PACSIN2: variants seen among roughly 807,000 people sequenced by gnomAD.
PACSIN2 encodes protein kinase C and casein kinase substrate in neurons protein 2.
A neutral mutation model predicts 63.8 loss-of-function variants in PACSIN2; 25 were observed. The observed-to-expected ratio is 0.39, with a 90% confidence interval of 0.29 to 0.55. PACSIN2 has a LOEUF of 0.55. Ranked by LOEUF, PACSIN2 falls within the 20% of genes least tolerant of loss-of-function variation. PACSIN2 has a pLI of 0.62. For missense variants in PACSIN2, 518 were observed against 646.9 expected (o/e 0.80, Z 2.16); for synonymous variants, 255 against 256.2 (o/e 1.00, Z 0.05).
intron 1 of PACSIN2, among the ~76,000 whole-genome samples, chr22:43,010,359 C>T (rs1198744238): frequency 1.5e-5 from 2 of 134,832 alleles, no homozygotes; most frequent in Admixed American, 7.9e-5. Context: ...GCAAACATGG[C>T]GGAATCCCAT....
intron 7 of PACSIN2, among the ~76,000 whole-genome samples, chr22:42,880,417 T>A (rs770283417): frequency 2.0e-5 from 3 of 152,168 alleles, no homozygotes. Flanking sequence ...TTCATCCTGA[T>A]TGGGTGGCTT....
intron 1 of PACSIN2, among the ~76,000 whole-genome samples, chr22:42,921,252 G>A (rs539182302): frequency 6.6e-6 from 1 of 151,892 alleles, no homozygotes. Context: ...CTAGCTGCTC[G>A]GGAGGCTGAG....
rs571506028 is a variant in PACSIN2, at chr22:42,976,413, C to T, written c.-78+38608G>A. Among the ~76,000 whole-genome samples the T allele has an allele frequency of 4.6e-5, 7 of 152,282 alleles. No individual in the cohort carries two copies. In the East Asian group the frequency reaches 5.8e-4, roughly 13 times the overall value. On this transcript the variant is annotated intron_variant, in intron 1 of 10. Coordinates refer to ENST00000263246, the MANE Select transcript of PACSIN2 (RefSeq NM_001184970.3). ...CAGAGGCAACACTGGCCAGCCCAGG[C>T]GACAGACTGGCTCCTCTCCCCAAAA...
chr22:42,916,203 TGGGA>T (rs1931794651), intron 1 of PACSIN2, among the ~76,000 whole-genome samples: 1 of 152,186 alleles, frequency 6.6e-6, no homozygotes, highest in Non-Finnish European at 1.5e-5. Flanking sequence ...CCTACCTCAA[TGGGA>T]GCATTGTTCT....
intron 1 of PACSIN2, among the ~76,000 whole-genome samples, chr22:42,981,459 C>T (rs1479381802): frequency 4.2e-4 from 33 of 79,152 alleles, no homozygotes; most frequent in East Asian, 7.2e-4. Flanking sequence ...GCCCGGCCAG[C>T]CGCCCCGTCC....
chr22:42,915,898 T>C (rs1166661318), intron 1 of PACSIN2, among the ~76,000 whole-genome samples: 1 of 152,156 alleles, frequency 6.6e-6, no homozygotes, highest in African/African-American at 2.4e-5. Flanking sequence ...TCCGAAGCCC[T>C]AAGGCGACAC....
intron 1 of PACSIN2, among the ~76,000 whole-genome samples, chr22:42,972,008 G>A (rs552596133): frequency 1.3e-5 from 2 of 152,338 alleles, no homozygotes; most frequent in African/African-American, 4.8e-5. Flanking sequence ...TCTGGGAGGT[G>A]TACCCAGCAG....
intron 5 of PACSIN2, among the ~76,000 whole-genome samples, chr22:42,887,355 T>C (rs1157868466): frequency 6.6e-6 from 1 of 152,218 alleles, no homozygotes; most frequent in Non-Finnish European, 1.5e-5. Context: ...GTTCCTGCTC[T>C]CACCTGCTGG....
intron 1 of PACSIN2, chr22:42,993,854 C>G (rs1288518254): frequency 1.3e-5 from 2 of 151,554 alleles, no homozygotes; most frequent in Non-Finnish European, 1.5e-5. Flanking sequence ...TCCCACAAGT[C>G]AAGAAATCAC....
intron 1 of PACSIN2, among the ~76,000 whole-genome samples, chr22:42,962,338 A>C (rs1934165022): frequency 6.6e-6 from 1 of 152,160 alleles, no homozygotes; most frequent in South Asian, 2.1e-4. Context: ...TAATCATGAA[A>C]ATAGCTCTTT....
intron 1 of PACSIN2, among the ~76,000 whole-genome samples, chr22:42,922,625 G>T (rs1394440624): frequency 6.6e-6 from 1 of 152,228 alleles, no homozygotes; most frequent in South Asian, 2.1e-4. Flanking sequence ...CACTATCTGG[G>T]GGGAGATTCT....
intron 1 of PACSIN2, among the ~76,000 whole-genome samples, chr22:42,957,848 C>T (rs1432866592): frequency 1.3e-5 from 2 of 152,126 alleles, no homozygotes; most frequent in African/African-American, 4.8e-5. Context: ...GCATTCTCAT[C>T]TGGCAAGCAA....
At chr22:42,964,418 G>GGAA (rs1920936385) in intron 1 of PACSIN2, among the ~76,000 whole-genome samples, 1 of 135,280 alleles carries the variant, frequency 7.4e-6, no homozygotes, top group Non-Finnish European at 1.6e-5. Context: ...ACTCCGTCTG[G>GGAA]AAAAAAAAAA....
intron 10 of PACSIN2, among the ~76,000 whole-genome samples, chr22:42,873,991 T>C (rs1928374784): frequency 6.6e-6 from 1 of 152,122 alleles, no homozygotes; most frequent in South Asian, 2.1e-4. Context: ...GGTTTCACCA[T>C]GTTGGCCAGG....
At chr22:42,987,527 A>ATTTTTTTTTTTTTTT (rs1922716379) in intron 1 of PACSIN2, among the ~76,000 whole-genome samples, 1 of 34,788 alleles carries the variant, frequency 2.9e-5, no homozygotes, top group East Asian at 1.5e-3. Context: ...GGGCACATTC[A>ATTTTTTTTTTTTTTT]TTCTTTTTTT....
chr22:42,876,984 G>A lies in PACSIN2; in HGVS notation c.1055C>T (p.Ala352Val). 1 of 1,614,202 alleles carries A rather than the reference G, an allele frequency of 6.2e-7. No homozygotes were observed. Among genetic ancestry groups the A allele is most frequent in the Non-Finnish European group, 8.5e-7 (1 of 1,180,028 alleles). ...GCTGGACTGTGACTGCGCAGACTGG[G>A]CGGGGTTGCTCGGGACATTAAGGGT... is the stretch of plus-strand genomic sequence containing the variant. The part of the protein sequence containing the change: ...SSTLNVPSNP[A>V]QSAQSQSSYN... Residue 352 changes from alanine (A) to valine (V), a missense_variant, in exon 9 of 11, where the codon GCC (alanine) becomes GTC (valine). Physicochemically the swap from Ala to Val is moderately conservative, Grantham distance 64. This residue lies in a region of PACSIN2 where 507 missense variants were observed against 612.3 expected (regional missense o/e 0.83). Coordinates refer to ENST00000263246, the MANE Select transcript of PACSIN2 (RefSeq NM_001184970.3).
chr22:42,960,701 G>A (rs1160773428), intron 1 of PACSIN2, among the ~76,000 whole-genome samples: 1 of 152,204 alleles, frequency 6.6e-6, no homozygotes, highest in Non-Finnish European at 1.5e-5. Context: ...CCGGGACAGG[G>A]AAGAGAAAGA....
chr22:42,986,761 G>C (rs933658069), intron 1 of PACSIN2, among the ~76,000 whole-genome samples: 7 of 151,976 alleles, frequency 4.6e-5, no homozygotes, highest in African/African-American at 1.7e-4. Context: ...CACGTGCAAA[G>C]ACCCTAAGAA....
Position 42,904,653 on chromosome 22 carries a change from A to G in PACSIN2, c.60+7368T>C, listed in dbSNP as rs1392455547. Among the ~76,000 whole-genome samples the G allele has an allele frequency of 3.3e-5, 5 of 152,156 alleles. No individual in the cohort carries two copies. In the East Asian group the frequency reaches 9.6e-4, roughly 29 times the overall value. ...CCAGCTGGGAAAAGCTGGAGGATCA[A>G]TTCTTCCAGGAAGCCTCCCCACCTC... is the stretch of plus-strand genomic sequence containing the variant. On this transcript the variant is annotated intron_variant, in intron 2 of 10. Transcript: ENST00000263246.
Sources: gnomAD v4.1 joint callset for allele counts (sites outside exome capture counted in the v4.1 genomes callset) on GRCh38, gnomAD v4.1.1 for gene constraint, gnomAD v4.1.1 regional missense constraint, MANE v1.5 for transcripts, NCBI Gene and HGNC (gene_info 2026-07-23, HGNC 2026-07-21) for gene names.